Variants in SIN3A observed in about 807,000 individuals in gnomAD.
The protein encoded by SIN3A is SIN3 transcription regulator family member A, also known as paired amphipathic helix protein Sin3a.
Under a neutral mutation model 146.1 loss-of-function variants are expected in SIN3A, and 14 were observed. That is an observed-to-expected ratio of 0.10 (90% CI 0.06 to 0.15). SIN3A has a LOEUF of 0.15. Ranked by LOEUF, SIN3A falls within the 10% of genes least tolerant of loss-of-function variation. The pLI is 1.00. For missense variants in SIN3A, 1,028 were observed against 1,576.0 expected (o/e 0.65, Z 5.89); for synonymous variants, 572 against 572.0 (o/e 1.00, Z 0.00).
intron 12 of SIN3A, among the ~76,000 whole-genome samples, chr15:75,397,731 T>C (rs553159702): frequency 1.3e-5 from 2 of 152,340 alleles, no homozygotes; most frequent in Admixed American, 1.3e-4. Context: ...ACCCCACTTC[T>C]TTCATGTTTG....
chr15:75,422,357 A>G, intron 3 of SIN3A: 1 of 600,332 alleles, frequency 1.7e-6, no homozygotes, highest in South Asian at 2.1e-5. Flanking sequence ...AGCAGCCAAA[A>G]AATGAATTTT....
intron 5 of SIN3A, 123 bp from the exon 6 acceptor site, chr15:75,411,866 A>G: frequency 1.0e-6 from 1 of 1,002,866 alleles, no homozygotes; most frequent in Non-Finnish European, 1.4e-6. Flanking sequence ...AGGCCAGGTC[A>G]TTTTAGTCCA....
In SIN3A at chr15:75,422,847, G is replaced by A. The variant is rs777143458; in HGVS notation, c.190-24C>T. On this transcript the variant is annotated intron_variant, in intron 2 of 20. Coordinates refer to ENST00000394947, the MANE Select transcript of SIN3A (RefSeq NM_001145358.2). ...ACCTGGGGTGAACAAAATACAGACAGGAAACTTCAAGGCTTGTACATTCTT... is the reference window on the plus strand; with the variant it reads ...ACCTGGGGTGAACAAAATACAGACAAGAAACTTCAAGGCTTGTACATTCTT... The A allele has an allele frequency of 2.5e-6, 4 of 1,600,022 alleles. No individual in the cohort carries two copies. In the African/African-American group the frequency reaches 5.4e-5, roughly 21 times the overall value.
At chr15:75,400,693 A>C in intron 11 of SIN3A, 37 bp downstream of exon 11, 1 of 1,522,162 alleles carries the variant, frequency 6.6e-7, no homozygotes, top group Non-Finnish European at 9.1e-7. Context: ...GAAAAAGCTG[A>C]GGACCCAGGG....
chr15:75,371,572 C>T lies in SIN3A; in HGVS notation c.*407G>A, dbSNP rs1396655744. ...GTTCCAATCCATCTGAGTATTAAGT[C>T]CTTCTCCAGTCTGTTTTGTAAATGC... On this transcript the variant is annotated 3_prime_UTR_variant, in exon 21 of 21. Coordinates refer to ENST00000394947, the MANE Select transcript of SIN3A (RefSeq NM_001145358.2). 2 of 174,564 alleles carry T rather than the reference C, an allele frequency of 1.1e-5. No homozygotes were observed. Among genetic ancestry groups the T allele is most frequent in the Non-Finnish European group, 2.4e-5 (2 of 82,910 alleles). 10.8% of individuals were successfully genotyped at this position (174,564 alleles called of 1,614,324 possible). A position where few individuals can be genotyped will look rare whatever the true frequency, so the allele number is the denominator to read the frequency against.
At chr15:75,379,432 C>T (rs145839763) in intron 19 of SIN3A, among the ~76,000 whole-genome samples, 43 of 152,254 alleles carry the variant, frequency 2.8e-4, no homozygotes, top group African/African-American at 9.4e-4. Flanking sequence ...ACCCTGCCAC[C>T]AGAACGATTA....
intron 2 of SIN3A, among the ~76,000 whole-genome samples, chr15:75,423,254 G>C (rs1595915687): frequency 6.6e-6 from 1 of 151,790 alleles, no homozygotes; most frequent in African/African-American, 2.4e-5. Flanking sequence ...CTCTAGCCCA[G>C]GTGACAGAAT....
chr15:75,409,881 G>A lies in SIN3A; in HGVS notation c.1272C>T (p.Gly424=). 1.9e-6 allele frequency: 3 copies of A among 1,613,610 alleles called. No individual in the cohort carries two copies. Among genetic ancestry groups the A allele is most frequent in the Non-Finnish European group, 2.5e-6 (3 of 1,180,016 alleles). The part of the protein sequence containing the change: ...NNKPQRPSQN[G]CQIRRHPTGT... ...CTGTAGGATGTCTGCGGATCTGGCA[G>A]CCATTCTGGCTGGGCCTCTGCGGCT... Residue 424 remains glycine (G), a synonymous_variant, in exon 8 of 21, where the codon GGC becomes GGT. Coordinates refer to ENST00000394947, the MANE Select transcript of SIN3A (RefSeq NM_001145358.2).
At chr15:75,422,603 C>A (rs779982028) in intron 3 of SIN3A, 44 bp downstream of exon 3, 1 of 1,606,172 alleles carries the variant, frequency 6.2e-7, no homozygotes, top group Non-Finnish European at 8.5e-7. Flanking sequence ...GTATTTCCTG[C>A]TAAAGATAAA....
rs1595895135 is a variant in SIN3A at position 75,392,948 on chromosome 15, GGACT to G, written c.2278-137_2278-134del. ...TTTCTAATCAAAAACTTAGGACCTGGGACTGGGAGCGGTGGCTCACGTCTATAAT... is the reference window on the plus strand; with the variant it reads ...TTTCTAATCAAAAACTTAGGACCTGGGGGAGCGGTGGCTCACGTCTATAAT... On this transcript the variant is annotated intron_variant, in intron 14 of 20. Transcript: ENST00000394947. 3 of 697,758 alleles carry G rather than the reference GGACT, an allele frequency of 4.3e-6. No homozygotes were observed. The East Asian group carries it at 8.2e-5, about 19-fold the overall frequency. 43.2% of individuals were successfully genotyped at this position (697,758 alleles called of 1,614,324 possible).
intron 1 of SIN3A, among the ~76,000 whole-genome samples, chr15:75,450,489 C>T (rs1320016170): frequency 6.6e-6 from 1 of 152,212 alleles, no homozygotes; most frequent in Non-Finnish European, 1.5e-5. Context: ...CCTACCATCA[C>T]CACCGCGGAT....
At chr15:75,379,657 T>C (rs895357066) in intron 19 of SIN3A, among the ~76,000 whole-genome samples, 5 of 152,258 alleles carry the variant, frequency 3.3e-5, no homozygotes, top group African/African-American at 1.2e-4. Context: ...TTTTCCCATG[T>C]TCTCATTAGG....
chr15:75,372,316 C>A, intron 20 of SIN3A, 107 bp from the exon 21 acceptor site: 1 of 643,540 alleles, frequency 1.6e-6, no homozygotes, highest in East Asian at 2.9e-5. Context: ...AAGATGTGGG[C>A]TCAAGTCTTA....
chr15:75,429,728 T>A (rs145925364), intron 2 of SIN3A, among the ~76,000 whole-genome samples: 88 of 152,244 alleles, frequency 5.8e-4, no homozygotes, highest in African/African-American at 2.1e-3. Context: ...AACAGTAGAA[T>A]TGACAAATAA....
At chr15:75,402,762 G>A (rs2073435354) in intron 9 of SIN3A, among the ~76,000 whole-genome samples, 1 of 152,088 alleles carries the variant, frequency 6.6e-6, no homozygotes, top group Non-Finnish European at 1.5e-5. Context: ...AGCCTCCCAA[G>A]TAGGTGGGAT....
intron 19 of SIN3A, among the ~76,000 whole-genome samples, chr15:75,379,872 T>G (rs2072932551): frequency 1.3e-5 from 2 of 152,230 alleles, no homozygotes; most frequent in South Asian, 2.1e-4. Context: ...AAAGAGTTAA[T>G]GTAGCAGGCC....
intron 5 of SIN3A, among the ~76,000 whole-genome samples, chr15:75,412,312 C>A (rs1034134001): frequency 3.3e-5 from 5 of 152,184 alleles, no homozygotes; most frequent in African/African-American, 9.7e-5. Flanking sequence ...TGGTTCTAGA[C>A]CAAGAACACC....
chr15:75,439,394 G>A (rs1248273939), intron 1 of SIN3A, among the ~76,000 whole-genome samples: 2 of 151,378 alleles, frequency 1.3e-5, no homozygotes, highest in African/African-American at 4.9e-5. Context: ...AGGCTGGAGC[G>A]CAGTGGCGTG....
chr15:75,426,300 G>C (rs2073924899), intron 2 of SIN3A, among the ~76,000 whole-genome samples: 1 of 152,114 alleles, frequency 6.6e-6, no homozygotes, highest in African/African-American at 2.4e-5. Flanking sequence ...AGCCTCAAGG[G>C]GACTCCTGAG....
Sources: gnomAD v4.1 joint callset for allele counts (sites outside exome capture counted in the v4.1 genomes callset) on GRCh38, gnomAD v4.1.1 for gene constraint, MANE v1.5 for transcripts, NCBI Gene and HGNC (gene_info 2026-07-23, HGNC 2026-07-21) for gene names.